The following DCPS variants were observed in gnomAD, a reference collection of about 807,000 sequenced individuals.
DCPS encodes m7GpppX diphosphatase.
A neutral mutation model predicts 34.7 loss-of-function variants in DCPS; 27 were observed. The ratio of observed to expected loss-of-function variants is 0.78; its 90% confidence interval spans 0.57 to 1.07. DCPS has a LOEUF of 1.07. Among genes scored for constraint, DCPS ranks in the 50% least tolerant of loss-of-function variants. The probability of loss-of-function intolerance (pLI) is 0.00; values close to 1 mark genes in which losing one functional copy is unlikely to be tolerated. For missense variants in DCPS, 464 were observed against 436.9 expected (o/e 1.06, Z -0.55); for synonymous variants, 185 against 185.7 (o/e 1.00, Z 0.03).
chr11:126,323,390 A>G lies in DCPS; in HGVS notation c.377-8015A>G, dbSNP rs1240505757. On this transcript the variant is annotated intron_variant, in intron 2 of 5. Coordinates refer to ENST00000263579, the MANE Select transcript of DCPS (RefSeq NM_014026.6). The surrounding 1 kb of genome is among the most constrained non-coding windows in gnomAD (Gnocchi z 4.4). ...CTTTAGAAACATTGTGTTTATTTCC[A>G]TTGTAATATTATATATGCAAGCTGA... is the stretch of plus-strand genomic sequence containing the variant. Among the ~76,000 whole-genome samples, 1 of 152,140 alleles carries G rather than the reference A, an allele frequency of 6.6e-6. No individual in the cohort carries two copies. Among genetic ancestry groups the G allele is most frequent in the African/African-American group, 2.4e-5 (1 of 41,420 alleles).
At chr11:126,316,320 C>T (rs537022685) in intron 2 of DCPS, among the ~76,000 whole-genome samples, 6 of 151,870 alleles carry the variant, frequency 4.0e-5, no homozygotes, top group Non-Finnish European at 7.4e-5. Flanking sequence ...GAGATTTTTT[C>T]CGTGATTTCT....
At chr11:126,316,037 C>T (rs1392070014) in intron 2 of DCPS, among the ~76,000 whole-genome samples, 3 of 150,328 alleles carry the variant, frequency 2.0e-5, no homozygotes, top group Admixed American at 6.8e-5. Flanking sequence ...ATGTCCAGGT[C>T]GAGTGGATTC....
At position 126,304,224 on chromosome 11, in the gene DCPS, A is replaced by C; in HGVS notation, c.144A>C (p.Arg48Ser). The change falls in exon 1 of 6, where the codon AGA becomes AGC. Residue 48 changes from arginine to serine, a missense_variant. Coordinates refer to ENST00000263579, the MANE Select transcript of DCPS (RefSeq NM_014026.6). ...APVRLPFSGF[R>S]LQKVLRESAR... is the part of the protein sequence containing the mutation. ...TCCGCTTACCGTTCTCCGGCTTCAG[A>C]CTGCAGAAGGTGCTGAGGGAGTCTG... is the stretch of plus-strand genomic sequence containing the variant. 6.2e-7 allele frequency: 1 copy of C among 1,614,232 alleles called. No individual in the cohort carries two copies. Among genetic ancestry groups the C allele is most frequent in the Non-Finnish European group, 8.5e-7 (1 of 1,180,038 alleles).
rs564992597 is a variant in DCPS, at chr11:126,336,232, C to T, written c.523-2054C>T. Reference sequence around the variant, plus strand: ...CTCTCACAGTCATCACTCCTTCCTGCAGTCACTCGTCCTCCAGCCCCGCTC... The same window carrying T: ...CTCTCACAGTCATCACTCCTTCCTGTAGTCACTCGTCCTCCAGCCCCGCTC... On this transcript the variant is annotated intron_variant, in intron 3 of 5. Transcript: ENST00000263579. This position sits in a 1 kb window ranked among gnomAD's most constrained non-coding sequence, Gnocchi z 6.3. Among the ~76,000 whole-genome samples the T allele has an allele frequency of 6.6e-5, 10 of 152,250 alleles. No homozygotes were observed. The highest frequency in any genetic ancestry group is 2.2e-4 in the African/African-American group (9 of 41,540).
In DCPS at chr11:126,327,346, C is replaced by T. The variant is rs142993895; in HGVS notation, c.377-4059C>T. Reference sequence around the variant, plus strand: ...TGGACTCAGGTTATGCGTTTTTGGCCAGAATTCCACATGATCAGGAGGCAC... The same window carrying T: ...TGGACTCAGGTTATGCGTTTTTGGCTAGAATTCCACATGATCAGGAGGCAC... On this transcript the variant is annotated intron_variant, in intron 2 of 5. Coordinates refer to ENST00000263579, the MANE Select transcript of DCPS (RefSeq NM_014026.6). This position sits in a 1 kb window ranked among gnomAD's most constrained non-coding sequence, Gnocchi z 4.1. Among the ~76,000 whole-genome samples the T allele has an allele frequency of 8.5e-5, 13 of 152,292 alleles. No homozygotes were observed. The East Asian group carries it at 1.9e-3, about 23-fold the overall frequency.
intron 2 of DCPS, among the ~76,000 whole-genome samples, chr11:126,321,615 C>A (rs1951706920): frequency 6.6e-6 from 1 of 152,058 alleles, no homozygotes; most frequent in African/African-American, 2.4e-5. Context: ...AGCTGCCCTT[C>A]AGGAGGGAGT....
intron 4 of DCPS, among the ~76,000 whole-genome samples, chr11:126,340,163 T>C (rs1951865510): frequency 6.6e-6 from 1 of 152,206 alleles, no homozygotes; most frequent in Admixed American, 6.5e-5. Flanking sequence ...AACCTCCCTT[T>C]TTCTGTCCCC....
chr11:126,339,878 A>G (rs1055960584), intron 4 of DCPS, among the ~76,000 whole-genome samples: 3 of 152,226 alleles, frequency 2.0e-5, no homozygotes, highest in Non-Finnish European at 2.9e-5. Flanking sequence ...ATCCGGGGTC[A>G]GAGCCTGGGT....
rs1951631484 is a variant in DCPS at position 126,313,141 on chromosome 11, C to T, written c.376+6397C>T. The stretch of plus-strand genomic sequence containing the variant: ...TGCCTCTTCAAAGGCCAATTGTTTC[C>T]CCGTGTAAACCAGGAGGTGAAATCT... On this transcript the variant is annotated intron_variant, in intron 2 of 5. Coordinates refer to ENST00000263579, the MANE Select transcript of DCPS (RefSeq NM_014026.6). The surrounding 1 kb of genome is among the most constrained non-coding windows in gnomAD (Gnocchi z 4.9). 6.6e-6 allele frequency among the ~76,000 whole-genome samples: 1 copy of T among 152,032 alleles called. No individual in the cohort carries two copies. Among genetic ancestry groups the T allele is most frequent in the African/African-American group, 2.4e-5 (1 of 41,408 alleles).
At position 126,345,866 on chromosome 11, in the gene DCPS, A is replaced by G. The variant is rs1205787217; in HGVS notation, c.*253A>G. 5 of 566,134 alleles carry G rather than the reference A, an allele frequency of 8.8e-6. No individual in the cohort carries two copies. The highest frequency in any genetic ancestry group is 1.2e-5 in the Non-Finnish European group (4 of 325,808). The allele number at this position is 566,134 out of a possible 1,614,324, so 35.1% of individuals were successfully genotyped here. A position where few individuals can be genotyped will look rare whatever the true frequency, so the allele number is the denominator to read the frequency against. ...AGTCTCCAGGTGGTGGTTTCAACTG[A>G]CAGGTGGGAGCTGCCCTGGAAGGGT... is the stretch of plus-strand genomic sequence containing the variant. On this transcript the variant is annotated 3_prime_UTR_variant, in exon 6 of 6. Transcript: ENST00000263579. The surrounding 1 kb of genome is among the most constrained non-coding windows in gnomAD (Gnocchi z 7.4).
chr11:126,306,853 ATAGGGAGATTAC>A, intron 2 of DCPS, 109 bp downstream of exon 2: 12 of 1,274,838 alleles, frequency 9.4e-6, no homozygotes, highest in Non-Finnish European at 1.3e-5. Flanking sequence ...TTCTAGTACA[ATAGGGAGATTAC>A]TTCCCTAGGG....
In DCPS at chr11:126,304,154, C is replaced by G. The variant is rs763808337; in HGVS notation, c.74C>G (p.Thr25Arg). The change falls in exon 1 of 6, where the codon ACA (threonine) becomes AGA (arginine). Residue 25 changes from threonine (T) to arginine (R), a missense_variant. By Grantham distance (71) the Thr-to-Arg change is moderately conservative. Coordinates refer to ENST00000263579, the MANE Select transcript of DCPS (RefSeq NM_014026.6). ...LDVEEAHAAS[T>R]EEKEAGVGNG... Reference sequence around the variant, plus strand: ...GTGGAGGAGGCCCACGCCGCCAGCACAGAGGAAAAGGAGGCAGGAGTTGGA... The same window carrying G: ...GTGGAGGAGGCCCACGCCGCCAGCAGAGAGGAAAAGGAGGCAGGAGTTGGA... 6.2e-7 allele frequency: 1 copy of G among 1,614,256 alleles called. No individual in the cohort carries two copies. Among genetic ancestry groups the G allele is most frequent in the Non-Finnish European group, 8.5e-7 (1 of 1,180,046 alleles).
rs777879684 is a variant in DCPS, at chr11:126,345,527, A to T, written c.928A>T (p.Arg310Trp). 6.2e-7 allele frequency: 1 copy of T among 1,613,988 alleles called. No homozygotes were observed. Among genetic ancestry groups the T allele is most frequent in the South Asian group, 1.1e-5 (1 of 91,084 alleles). The change falls in exon 6 of 6, where the codon AGG (arginine) becomes TGG (tryptophan). Residue 310 changes from arginine to tryptophan, a missense_variant. Physicochemically the swap from Arg to Trp is moderately radical, Grantham distance 101. Transcript: ENST00000263579. This position sits in a 1 kb window ranked among gnomAD's most constrained non-coding sequence, Gnocchi z 7.4. Reference protein sequence around the residue: ...EVIENLECDPRHYQQRTLTFA... With the variant: ...EVIENLECDPWHYQQRTLTFA... The stretch of plus-strand genomic sequence containing the variant: ...GATCGAGAACTTGGAGTGTGACCCT[A>T]GGCACTACCAGCAGCGCACGCTCAC...
chr11:126,331,335 T>C lies in DCPS; in HGVS notation c.377-70T>C. 6.3e-7 allele frequency: 1 copy of C among 1,577,342 alleles called. No homozygotes were observed. Among genetic ancestry groups the C allele is most frequent in the South Asian group, 1.2e-5 (1 of 86,082 alleles). ...CAAAGCCAGGGTGGGAGTTCTCTCC[T>C]CACCGTGGTGCCTGTGGCATAGAGA... is the stretch of plus-strand genomic sequence containing the variant. On this transcript the variant is annotated intron_variant, in intron 2 of 5. Transcript: ENST00000263579. This position sits in a 1 kb window ranked among gnomAD's most constrained non-coding sequence, Gnocchi z 7.2.
At position 126,348,731 on chromosome 11, in the gene DCPS, A is replaced by T. The variant is rs911977302; in HGVS notation, c.*3118A>T. 1.7e-4 allele frequency among the ~76,000 whole-genome samples: 26 copies of T among 152,200 alleles called. No homozygotes were observed. Among genetic ancestry groups the T allele is most frequent in the African/African-American group, 6.3e-4 (26 of 41,440 alleles). On this transcript the variant is annotated 3_prime_UTR_variant, in exon 6 of 6. Coordinates refer to ENST00000263579, the MANE Select transcript of DCPS (RefSeq NM_014026.6). The surrounding 1 kb of genome is among the most constrained non-coding windows in gnomAD (Gnocchi z 5.3). ...TCTCCGCTTTCCTCACTAGACTGAG[A>T]GGGTCTTGAGGGTAGGAGCTTTGTT...
chr11:126,328,893 G>A lies in DCPS; in HGVS notation c.377-2512G>A, dbSNP rs1417866754. 6.6e-6 allele frequency among the ~76,000 whole-genome samples: 1 copy of A among 152,208 alleles called. No individual in the cohort carries two copies. Among genetic ancestry groups the A allele is most frequent in the African/African-American group, 2.4e-5 (1 of 41,446 alleles). ...TTCTCCCAACAGCCCTGGAAGGTAG[G>A]TGCTGTTATTGTTACCCCAGATTGT... is the stretch of plus-strand genomic sequence containing the variant. On this transcript the variant is annotated intron_variant, in intron 2 of 5. Transcript: ENST00000263579. The surrounding 1 kb of genome is among the most constrained non-coding windows in gnomAD (Gnocchi z 6.6).
chr11:126,339,307 G>A (rs1248027318), intron 4 of DCPS, among the ~76,000 whole-genome samples: 6 of 152,202 alleles, frequency 3.9e-5, no homozygotes, highest in African/African-American at 7.2e-5. Context: ...TTCTGCTTTC[G>A]GTGGGCCCGT....
chr11:126,321,217 C>T (rs240559), intron 2 of DCPS, among the ~76,000 whole-genome samples: 30,944 of 148,704 alleles, frequency 0.21, 3,403 homozygotes, highest in Non-Finnish European at 0.24. Flanking sequence ...ATGGCGCCAC[C>T]GCACTCCATC....
intron 2 of DCPS, among the ~76,000 whole-genome samples, chr11:126,326,720 G>A (rs1455449877): frequency 1.3e-5 from 2 of 152,096 alleles, no homozygotes; most frequent in Non-Finnish European, 2.9e-5. Flanking sequence ...TCAGGAGATC[G>A]AGACCATCCT....
Sources: gnomAD v4.1 joint callset for allele counts (sites outside exome capture counted in the v4.1 genomes callset) on GRCh38, gnomAD v4.1.1 for gene constraint, Gnocchi (gnomAD v3.1) non-coding constraint, MANE v1.5 for transcripts, NCBI Gene and HGNC (gene_info 2026-07-23, HGNC 2026-07-21) for gene names.